The following TMEM161A variants were observed in gnomAD, a reference collection of about 807,000 sequenced individuals.
TMEM161A encodes the protein adaptive response to oxidative stress protein 29.
In TMEM161A, 46 loss-of-function variants were observed where a neutral mutation model predicts 57.1. The ratio of observed to expected loss-of-function variants is 0.81; its 90% CI spans 0.64 to 1.03. TMEM161A has a LOEUF of 1.03. Among genes scored for constraint, TMEM161A ranks in the 50% least tolerant of loss-of-function variants. The pLI is 0.00. For missense variants in TMEM161A, 601 were observed against 621.5 expected, an observed-to-expected ratio of 0.97 and a Z score of 0.35; for synonymous variants, 288 against 279.0, an observed-to-expected ratio of 1.03 and a Z score of -0.32.
rs2059906853 is a variant in TMEM161A, at chr19:19,121,016, G to A, written c.1065C>T (p.Ile355=). Residue 355 remains isoleucine (I), a synonymous_variant, in exon 10 of 12, where the codon ATC becomes ATT. Coordinates refer to ENST00000162044, the MANE Select transcript of TMEM161A (RefSeq NM_017814.3). The surrounding 1 kb of genome is among the most constrained non-coding windows in gnomAD (Gnocchi z 5.8). ...CCCTCTGCTGGATTTCACGGGCTTCGATGCGGCCAGCCTCCCTTCGCAGCT... is the reference window on the plus strand; with the variant it reads ...CCCTCTGCTGGATTTCACGGGCTTCAATGCGGCCAGCCTCCCTTCGCAGCT... ...VEQLRREAGR[I]EAREIQQRVV... 3 of 1,608,336 alleles carry A rather than the reference G, an allele frequency of 1.9e-6. No individual in the cohort carries two copies. The highest frequency in any genetic ancestry group is 1.3e-5 in the African/African-American group (1 of 74,862).
At chr19:19,134,168 C>A (rs2059973767) in intron 2 of TMEM161A, among the ~76,000 whole-genome samples, 1 of 152,046 alleles carries the variant, frequency 6.6e-6, no homozygotes, top group Non-Finnish European at 1.5e-5. Flanking sequence ...AAAACCAGAG[C>A]AGGCGAGCTC....
chr19:19,133,045 G>C, intron 3 of TMEM161A, 85 bp downstream of exon 3: 1 of 1,328,838 alleles, frequency 7.5e-7, no homozygotes, highest in East Asian at 2.4e-5. Context: ...GTGTCCCTGA[G>C]CCCAGAGCCC....
At position 19,133,190 on chromosome 19, in the gene TMEM161A, G is replaced by A. The variant is rs1322133964; in HGVS notation, c.128C>T (p.Pro43Leu). Residue 43 changes from proline to leucine, a missense_variant, in exon 3 of 12, where the codon CCG becomes CTG. Coordinates refer to ENST00000162044, the MANE Select transcript of TMEM161A (RefSeq NM_017814.3). Reference sequence around the variant, plus strand: ...CAGGGCCCGAAGCTCCTCCTCAGACGGGTGCTTGTATCGGAACAAACTGAG... The same window carrying A: ...CAGGGCCCGAAGCTCCTCCTCAGACAGGTGCTTGTATCGGAACAAACTGAG... ...CNGSLFRYKHPSEEELRALAG... is the reference protein window; with the variant it reads ...CNGSLFRYKHLSEEELRALAG... The A allele has an allele frequency of 8.7e-6, 14 of 1,614,034 alleles. No homozygotes were observed. Among genetic ancestry groups the A allele is most frequent in the South Asian group, 2.2e-5 (2 of 91,092 alleles).
At chr19:19,125,419 C>T (rs1011977121) in intron 6 of TMEM161A, among the ~76,000 whole-genome samples, 13 of 151,714 alleles carry the variant, frequency 8.6e-5, no homozygotes, top group African/African-American at 2.4e-4. Flanking sequence ...GGCGTGATTT[C>T]GGCTCACTGC....
Position 19,132,232 on chromosome 19 carries a change from T to G in TMEM161A, c.443+120A>C. ...ACATAAAATGTCTGCTTCATGTCAC[T>G]AAGCTTGGGGAAGTTTGTGGCACAG... On this transcript the variant is annotated intron_variant, in intron 5 of 11. Transcript: ENST00000162044. The surrounding 1 kb of genome is among the most constrained non-coding windows in gnomAD (Gnocchi z 4.3). 1 of 1,208,318 alleles carries G rather than the reference T, an allele frequency of 8.3e-7. No homozygotes were observed. Among genetic ancestry groups the G allele is most frequent in the Non-Finnish European group, 1.2e-6 (1 of 858,866 alleles). The allele number at this position is 1,208,318 out of a possible 1,614,324, so 74.8% of individuals were successfully genotyped here.
In TMEM161A at chr19:19,132,680, G is replaced by T. The variant is rs2059964501; in HGVS notation, c.263C>A (p.Pro88His). Residue 88 changes from proline to histidine, a missense_variant, in exon 4 of 12, where the codon CCC becomes CAC. Transcript: ENST00000162044. The surrounding 1 kb of genome is among the most constrained non-coding windows in gnomAD (Gnocchi z 4.3). ...ACCCAGGGCATCCACGGTCGTGAGGGGGCAGGTCTCCAGCTGGAACGGGGC... is the reference window on the plus strand; with the variant it reads ...ACCCAGGGCATCCACGGTCGTGAGGTGGCAGGTCTCCAGCTGGAACGGGGC... ...RDAPFQLETC[P>H]LTTVDALVLR... 3 of 1,578,524 alleles carry T rather than the reference G, an allele frequency of 1.9e-6. No individual in the cohort carries two copies. In the East Asian group the frequency reaches 6.7e-5, roughly 35 times the overall value.
Position 19,132,914 on chromosome 19 carries a change from C to A in TMEM161A, c.189-160G>T. On this transcript the variant is annotated intron_variant, in intron 3 of 11. Transcript: ENST00000162044. The surrounding 1 kb of genome is among the most constrained non-coding windows in gnomAD (Gnocchi z 4.3). ...GGGATCCCCCCACCCACCCACAGGACTGGCTAGAGCAAACTGCCAGGAAAC... is the reference window on the plus strand; with the variant it reads ...GGGATCCCCCCACCCACCCACAGGAATGGCTAGAGCAAACTGCCAGGAAAC... 2 of 732,808 alleles carry A rather than the reference C, an allele frequency of 2.7e-6. No homozygotes were observed. Among genetic ancestry groups the A allele is most frequent in the South Asian group, 3.8e-5 (2 of 52,032 alleles). The allele number at this position is 732,808 out of a possible 1,614,324, so 45.4% of individuals were successfully genotyped here. A position where few individuals can be genotyped will look rare whatever the true frequency, so the allele number is the denominator to read the frequency against.
chr19:19,128,093 G>A (rs192344895), intron 6 of TMEM161A, among the ~76,000 whole-genome samples: 1 of 152,172 alleles, frequency 6.6e-6, no homozygotes, highest in Non-Finnish European at 1.5e-5. Flanking sequence ...GAGACAGGAC[G>A]TAAAATGGTG....
rs1422662320 is a variant in TMEM161A, at chr19:19,130,151, C to T, written c.595+5G>A. ...CGGTGGCCCCACGTTGGGGGCTGCA[C>T]TTACCAGGCTCCAGGCCCAGCTCGA... On this transcript the variant is annotated splice_donor_5th_base_variant and intron_variant, in intron 6 of 11. Transcript: ENST00000162044. The T allele has an allele frequency of 1.9e-6, 3 of 1,612,870 alleles. No homozygotes were observed. Among genetic ancestry groups the T allele is most frequent in the Non-Finnish European group, 2.5e-6 (3 of 1,180,014 alleles).
intron 6 of TMEM161A, among the ~76,000 whole-genome samples, chr19:19,128,532 CA>C (rs1229560020): frequency 1.8e-4 from 25 of 138,098 alleles, no homozygotes; most frequent in Admixed American, 9.0e-4. Flanking sequence ...ACCTGGCCTA[CA>C]TTTTTTTTTT....
At chr19:19,128,310 C>T (rs929638036) in intron 6 of TMEM161A, among the ~76,000 whole-genome samples, 48 of 150,252 alleles carry the variant, frequency 3.2e-4, no homozygotes, top group African/African-American at 1.2e-3. Flanking sequence ...CAGCTCACTG[C>T]AAGCTCCGCC....
In TMEM161A at chr19:19,120,764, C is replaced by T; in HGVS notation, c.1186+1G>A. The stretch of plus-strand genomic sequence containing the variant: ...TCCACCCCCACACCGCGGCATCTCA[C>T]CCAGCGTCTTGAGCAGAAGTGTGCA... On this transcript the variant is annotated splice_donor_variant, in intron 11 of 11. Coordinates refer to ENST00000162044, the MANE Select transcript of TMEM161A (RefSeq NM_017814.3). LOFTEE classifies it high-confidence loss of function. 1 of 1,613,016 alleles carries T rather than the reference C, an allele frequency of 6.2e-7. No individual in the cohort carries two copies. The highest frequency in any genetic ancestry group is 8.5e-7 in the Non-Finnish European group (1 of 1,179,850).
Position 19,119,523 on chromosome 19 carries a change from G to A in TMEM161A, c.*407C>T. The A allele has an allele frequency of 4.9e-6, 1 of 204,640 alleles. No individual in the cohort carries two copies. The highest frequency in any genetic ancestry group is 1.0e-5 in the Non-Finnish European group (1 of 98,242). 12.7% of individuals were successfully genotyped at this position (204,640 alleles called of 1,614,324 possible). A position where few individuals can be genotyped will look rare whatever the true frequency, so the allele number is the denominator to read the frequency against. Reference sequence around the variant, plus strand: ...AGTCCTGCTCCTCTCTCCCTCCCGCGCAGCCCCCACCCTGCACCCGGGCAG... The same window carrying A: ...AGTCCTGCTCCTCTCTCCCTCCCGCACAGCCCCCACCCTGCACCCGGGCAG... On this transcript the variant is annotated 3_prime_UTR_variant, in exon 12 of 12. Coordinates refer to ENST00000162044, the MANE Select transcript of TMEM161A (RefSeq NM_017814.3).
chr19:19,120,020 G>A lies in TMEM161A; in HGVS notation c.1350C>T (p.Val450=), dbSNP rs750103016. Residue 450 remains valine (V), a synonymous_variant, in exon 12 of 12, where the codon GTC becomes GTT. Transcript: ENST00000162044. ...GLLTPLFLRG[V]LAYLIWWTAA... is the part of the protein sequence containing the mutation. ...CCGTCCACCAGATGAGGTAGGCCAGGACGCCACGGAGGAAGAGGGGAGTAA... is the reference window on the plus strand; with the variant it reads ...CCGTCCACCAGATGAGGTAGGCCAGAACGCCACGGAGGAAGAGGGGAGTAA... 1.3e-6 allele frequency: 2 copies of A among 1,598,574 alleles called. No individual in the cohort carries two copies. The highest frequency in any genetic ancestry group is 3.5e-5 in the Admixed American group (2 of 57,770).
Position 19,134,812 on chromosome 19 carries a change from A to C in TMEM161A, c.79T>G (p.Phe27Val). ...CCGTTACAGAGCAGCCAGCGCGCGA[A>C]GGAGCAGTGTGGCGCCAGCCTGTGC... ...LMHRLAPHCS[F>V]ARWLLCNGSL... Residue 27 changes from phenylalanine to valine, a missense_variant, in exon 2 of 12, where the codon TTC becomes GTC. Transcript: ENST00000162044. 6.3e-7 allele frequency: 1 copy of C among 1,591,446 alleles called. No homozygotes were observed. Among genetic ancestry groups the C allele is most frequent in the East Asian group, 2.3e-5 (1 of 43,248 alleles).
chr19:19,120,364 A>C, intron 11 of TMEM161A, among the ~76,000 whole-genome samples, 181 bp from the exon 12 acceptor site: 1 of 146,810 alleles, frequency 6.8e-6, no homozygotes, highest in South Asian at 2.1e-4. Context: ...ACCCTACCCC[A>C]GGCCCCACCT....
chr19:19,121,103 C>G lies in TMEM161A; in HGVS notation c.978G>C (p.Arg326=). Residue 326 remains arginine (R), a synonymous_variant, in exon 10 of 12, where the codon CGG becomes CGC. Transcript: ENST00000162044. The surrounding 1 kb of genome is among the most constrained non-coding windows in gnomAD (Gnocchi z 5.8). ...LWLLVVLCLL[R]LAVTRPHLQA... ...GCAGGTGGGGCCGGGTCACCGCCAGCCGCAGCAGGCACAGCACCACCAGCA... is the reference window on the plus strand; with the variant it reads ...GCAGGTGGGGCCGGGTCACCGCCAGGCGCAGCAGGCACAGCACCACCAGCA... 1 of 1,611,754 alleles carries G rather than the reference C, an allele frequency of 6.2e-7. No individual in the cohort carries two copies. The highest frequency in any genetic ancestry group is 8.5e-7 in the Non-Finnish European group (1 of 1,179,416).
At chr19:19,120,893 G>A (rs781091632) in intron 10 of TMEM161A, 32 bp from the exon 11 acceptor site, 1 of 1,612,302 alleles carries the variant, frequency 6.2e-7, no homozygotes, top group South Asian at 1.1e-5. Flanking sequence ...GGCTGCAGCA[G>A]GAGGCCTTCT....
In TMEM161A at chr19:19,119,390, C is replaced by T. The variant is rs569809848; in HGVS notation, c.*540G>A. ...CAAACTGCTGGCCTCAAGTGATCTG[C>T]CCGCCTTGGCTTCCCAAAGTGCTGG... On this transcript the variant is annotated 3_prime_UTR_variant, in exon 12 of 12. Coordinates refer to ENST00000162044, the MANE Select transcript of TMEM161A (RefSeq NM_017814.3). The T allele has an allele frequency of 1.1e-3, 168 of 157,314 alleles. No homozygotes were observed. The highest frequency in any genetic ancestry group is 2.0e-3 in the Non-Finnish European group (140 of 70,854). 9.7% of individuals were successfully genotyped at this position (157,314 alleles called of 1,614,324 possible).
Sources: gnomAD v4.1 joint callset for allele counts (sites outside exome capture counted in the v4.1 genomes callset) on GRCh38, gnomAD v4.1.1 for gene constraint, Gnocchi (gnomAD v3.1) non-coding constraint, MANE v1.5 for transcripts, NCBI Gene and HGNC (gene_info 2026-07-23, HGNC 2026-07-21) for gene names.